CYP2A13: variants seen among roughly 807,000 people sequenced by gnomAD.
The protein encoded by CYP2A13 is cytochrome P450 2A13.
In CYP2A13, 30 loss-of-function variants were observed where a neutral mutation model predicts 39.4. That is an observed-to-expected ratio of 0.76 (90% CI 0.57 to 1.03). The LOEUF is 1.03. Ranked by LOEUF, CYP2A13 falls within the 50% of genes least tolerant of loss-of-function variation. The probability of loss-of-function intolerance (pLI) is 0.00; values close to 1 mark genes in which losing one functional copy is unlikely to be tolerated. For missense variants in CYP2A13, 731 were observed against 648.4 expected (o/e 1.13, Z -1.38); for synonymous variants, 269 against 254.7 (o/e 1.06, Z -0.54).
In CYP2A13 at chr19:41,090,203, AG is replaced by A. The variant is rs1185095890; in HGVS notation, c.493+11del. Reference sequence around the variant, plus strand: ...GCCCTCCGGGGCACGCACGGTGAGTAGGGGACCCCGAGTGCGAGGGCGGGAA... The same window carrying A: ...GCCCTCCGGGGCACGCACGGTGAGTAGGGACCCCGAGTGCGAGGGCGGGAA... On this transcript the variant is annotated splice_region_variant and intron_variant, in intron 3 of 8. Transcript: ENST00000330436. 6.4e-7 allele frequency: 1 copy of A among 1,562,296 alleles called. No individual in the cohort carries two copies. Among genetic ancestry groups the A allele is most frequent in the South Asian group, 1.2e-5 (1 of 82,096 alleles).
rs778836393 is a variant in CYP2A13, at chr19:41,088,499, A to G, written c.28A>G (p.Thr10Ala). The G allele has an allele frequency of 1.8e-5, 29 of 1,613,872 alleles. No individual in the cohort carries two copies. Among genetic ancestry groups the G allele is most frequent in the Non-Finnish European group, 2.3e-5 (27 of 1,179,814 alleles). ...GCTGGCCTCAGGGCTGCTTCTGGTG[A>G]CCTTGCTGGCCTGCCTGACTGTGAT... MLASGLLLV[T>A]LLACLTVMVL... is the part of the protein sequence containing the mutation. Residue 10 changes from threonine (T) to alanine (A), a missense_variant, in exon 1 of 9, where the codon ACC becomes GCC. Thr to Ala is a moderately conservative substitution (Grantham distance 58). Coordinates refer to ENST00000330436, the MANE Select transcript of CYP2A13 (RefSeq NM_000766.5).
At chr19:41,090,993 A>G (rs1021458929) in intron 4 of CYP2A13, among the ~76,000 whole-genome samples, 24 of 152,162 alleles carry the variant, frequency 1.6e-4, no homozygotes, top group Non-Finnish European at 3.2e-4. Flanking sequence ...ATCATTTCAC[A>G]TCTACACAAA....
intron 2 of CYP2A13, 52 bp from the exon 3 acceptor site, chr19:41,089,995 C>T: frequency 1.3e-6 from 2 of 1,548,418 alleles, no homozygotes; most frequent in Non-Finnish European, 1.7e-6. Flanking sequence ...CTGGTCCGCT[C>T]CTGCTCCCGC....
intron 5 of CYP2A13, 102 bp from the exon 6 acceptor site, chr19:41,093,528 C>T: frequency 2.1e-6 from 3 of 1,447,648 alleles, no homozygotes; most frequent in Non-Finnish European, 9.5e-7. Flanking sequence ...CCTCTTTCCA[C>T]CTTTGGTCTG....
Position 41,096,106 on chromosome 19 carries a change from G to A in CYP2A13, c.*165G>A. On this transcript the variant is annotated 3_prime_UTR_variant, in exon 9 of 9. Transcript: ENST00000330436. ...AAACAGAAGGGGCTCAGTTCACCTTGATGATGTCCTTCAGAGCTGTGATGA... is the reference window on the plus strand; with the variant it reads ...AAACAGAAGGGGCTCAGTTCACCTTAATGATGTCCTTCAGAGCTGTGATGA... 1 of 1,019,780 alleles carries A rather than the reference G, an allele frequency of 9.8e-7. No individual in the cohort carries two copies. Among genetic ancestry groups the A allele is most frequent in the Non-Finnish European group, 1.4e-6 (1 of 700,050 alleles). The allele number at this position is 1,019,780 out of a possible 1,614,324, so 63.2% of individuals were successfully genotyped here.
intron 4 of CYP2A13, 31 bp from the exon 5 acceptor site, chr19:41,091,701 T>C (rs1384493335): frequency 8.7e-6 from 14 of 1,610,928 alleles, no homozygotes; most frequent in Non-Finnish European, 1.2e-5. Context: ...ACAGCTGTCC[T>C]TCCCTTCCCA....
At chr19:41,088,888 G>T (rs766109792) in intron 1 of CYP2A13, 41 bp from the exon 2 acceptor site, 5 of 1,609,926 alleles carry the variant, frequency 3.1e-6, no homozygotes, top group East Asian at 2.2e-5. Context: ...CATTCAGAGT[G>T]GGGGCTGCTC....
At position 41,092,189 on chromosome 19, in the gene CYP2A13, G is replaced by A. The variant is rs141370739; in HGVS notation, c.831+281G>A. On this transcript the variant is annotated intron_variant, in intron 5 of 8. Transcript: ENST00000330436. ...AAATGAGCTAGGTATGGTGGCATGCGCCTGTAATCCCAGCTACTCAGGAGG... is the reference window on the plus strand; with the variant it reads ...AAATGAGCTAGGTATGGTGGCATGCACCTGTAATCCCAGCTACTCAGGAGG... Among the ~76,000 whole-genome samples, 844 of 151,752 alleles carry A rather than the reference G, an allele frequency of 5.6e-3. 6 individuals are homozygous for A. The highest frequency in any genetic ancestry group is 0.019 in the African/African-American group (802 of 41,356).
Position 41,090,107 on chromosome 19 carries a change from T to A in CYP2A13, c.404T>A (p.Leu135Gln), listed in dbSNP as rs766032618. ...KQLRRFSIAT[L>Q]RGFGVGKRGI... is the part of the protein sequence containing the mutation. ...CTCCGGCGCTTCTCCATCGCCACCC[T>A]AAGGGGTTTTGGCGTGGGCAAGCGC... Residue 135 changes from leucine to glutamine, a missense_variant, in exon 3 of 9, where the codon CTA becomes CAA. Physicochemically the swap from Leu to Gln is moderately radical, Grantham distance 113. Coordinates refer to ENST00000330436, the MANE Select transcript of CYP2A13 (RefSeq NM_000766.5). 1 of 1,611,488 alleles carries A rather than the reference T, an allele frequency of 6.2e-7. No individual in the cohort carries two copies. The highest frequency in any genetic ancestry group is 1.1e-5 in the South Asian group (1 of 90,754).
chr19:41,092,471 G>A (rs1016583881), intron 5 of CYP2A13, among the ~76,000 whole-genome samples: 12 of 152,236 alleles, frequency 7.9e-5, no homozygotes, highest in South Asian at 4.1e-4. Context: ...CAGGCACTGC[G>A]TTAAGTGCTT....
Position 41,096,068 on chromosome 19 carries a change from G to C in CYP2A13, c.*127G>C. 1 of 1,395,698 alleles carries C rather than the reference G, an allele frequency of 7.2e-7. No homozygotes were observed. The highest frequency in any genetic ancestry group is 9.7e-7 in the Non-Finnish European group (1 of 1,026,230). The allele number at this position is 1,395,698 out of a possible 1,614,324, so 86.5% of individuals were successfully genotyped here. ...GGGGAAGGAAGGGGAGAGGTGGTTA[G>C]AGGGAACAGAAGAAACAGAAGGGGC... On this transcript the variant is annotated 3_prime_UTR_variant, in exon 9 of 9. Transcript: ENST00000330436.
In CYP2A13 at chr19:41,091,883, A is replaced by G. The variant is rs768082507; in HGVS notation, c.806A>G (p.Asp269Gly). 2.4e-5 allele frequency: 39 copies of G among 1,613,806 alleles called. No individual in the cohort carries two copies. The Admixed American group carries it at 6.0e-4, about 25-fold the overall frequency. ...LDPNSPRDFIDSFLIRMQEEE... is the reference protein window; with the variant it reads ...LDPNSPRDFIGSFLIRMQEEE... ...CCCAATTCCCCACGGGACTTCATCG[A>G]CTCCTTTCTCATCCGCATGCAGGAG... The change falls in exon 5 of 9, where the codon GAC (aspartate) becomes GGC (glycine). Residue 269 changes from aspartate to glycine, a missense_variant. Physicochemically the swap from Asp to Gly is moderately conservative, Grantham distance 94. Coordinates refer to ENST00000330436, the MANE Select transcript of CYP2A13 (RefSeq NM_000766.5).
At chr19:41,094,129 T>A in intron 6 of CYP2A13, 116 bp from the exon 7 acceptor site, 1 of 1,463,126 alleles carries the variant, frequency 6.8e-7, no homozygotes, top group Non-Finnish European at 9.2e-7. Flanking sequence ...CTGTTATGAA[T>A]GGTCTACCTC....
chr19:41,091,904 A>G lies in CYP2A13; in HGVS notation c.827A>G (p.Gln276Arg). The G allele has an allele frequency of 4.3e-6, 7 of 1,614,162 alleles. No homozygotes were observed. Among genetic ancestry groups the G allele is most frequent in the Non-Finnish European group, 5.9e-6 (7 of 1,179,980 alleles). ...DFIDSFLIRM[Q>R]EEEKNPNTEF... ...ATCGACTCCTTTCTCATCCGCATGC[A>G]GGAGGTACATCCCAGCAGCCAGTGC... Residue 276 changes from glutamine (Q) to arginine (R), a missense_variant, in exon 5 of 9, where the codon CAG (glutamine) becomes CGG (arginine). Physicochemically the swap from Gln to Arg is conservative, Grantham distance 43. Transcript: ENST00000330436.
Position 41,090,508 on chromosome 19 carries a change from T to C in CYP2A13, c.598T>C (p.Ser200Pro). Residue 200 changes from serine (S) to proline (P), a missense_variant, in exon 4 of 9, where the codon TCA becomes CCA. By Grantham distance (74) the Ser-to-Pro change is moderately conservative (BLOSUM62 -1). Coordinates refer to ENST00000330436, the MANE Select transcript of CYP2A13 (RefSeq NM_000766.5). ...TGACTATGAGGACAAAGAGTTCCTG[T>C]CACTGTTGCGCATGATGCTGGGAAG... ...RFDYEDKEFL[S>P]LLRMMLGSFQ... 6.2e-7 allele frequency: 1 copy of C among 1,614,154 alleles called. No individual in the cohort carries two copies. Among genetic ancestry groups the C allele is most frequent in the South Asian group, 1.1e-5 (1 of 91,088 alleles).
Position 41,091,925 on chromosome 19 carries a change from A to G in CYP2A13, c.831+17A>G, listed in dbSNP as rs371543439. On this transcript the variant is annotated intron_variant, in intron 5 of 8. Transcript: ENST00000330436. Reference sequence around the variant, plus strand: ...ATGCAGGAGGTACATCCCAGCAGCCAGTGCAGGCAGGTGCAAAGCCAGGGA... The same window carrying G: ...ATGCAGGAGGTACATCCCAGCAGCCGGTGCAGGCAGGTGCAAAGCCAGGGA... 3.1e-6 allele frequency: 5 copies of G among 1,613,068 alleles called. No individual in the cohort carries two copies. In the African/African-American group the frequency reaches 4.0e-5, roughly 13 times the overall value.
At chr19:41,095,624 C>T (rs1318265409) in intron 8 of CYP2A13, 136 bp from the exon 9 acceptor site, 3 of 1,138,564 alleles carry the variant, frequency 2.6e-6, no homozygotes, top group Non-Finnish European at 3.7e-6. Flanking sequence ...CAGGGAGGAT[C>T]GGAGTCTCCT....
At chr19:41,092,019 T>C (rs1398348436) in intron 5 of CYP2A13, 111 bp downstream of exon 5, 8 of 1,493,288 alleles carry the variant, frequency 5.4e-6, no homozygotes, top group Non-Finnish European at 7.2e-6. Flanking sequence ...CTCGTCATAA[T>C]AATCCTTACA....
Position 41,090,404 on chromosome 19 carries a change from G to C in CYP2A13, c.494G>C (p.Gly165Ala). The change falls in exon 4 of 9, where the codon GGC (glycine) becomes GCC (alanine). Residue 165 changes from glycine (G) to alanine (A), a missense_variant and splice_region_variant. Transcript: ENST00000330436. ...CCCCCTTCTCCCGCCACACCTGCAG[G>C]CGCCAATATCGATCCCACCTTCTTC... Reference protein sequence around the residue: ...FLIDALRGTHGANIDPTFFLS... With the variant: ...FLIDALRGTHAANIDPTFFLS... The C allele has an allele frequency of 6.2e-7, 1 of 1,614,024 alleles. No individual in the cohort carries two copies. Among genetic ancestry groups the C allele is most frequent in the Non-Finnish European group, 8.5e-7 (1 of 1,180,022 alleles).
Sources: allele counts gnomAD v4.1 joint callset (sites outside exome capture counted in the v4.1 genomes callset), GRCh38; gene constraint gnomAD v4.1.1; transcripts MANE v1.5; gene names NCBI Gene and HGNC (gene_info 2026-07-23, HGNC 2026-07-21).